The following TMEM72 variants were observed in gnomAD, a reference collection of about 807,000 sequenced individuals.
TMEM72 encodes transmembrane protein 72.
TMEM72 carries 9 observed loss-of-function variants against 16.3 expected under a neutral mutation model. The ratio of observed to expected loss-of-function variants is 0.55; its 90% confidence interval spans 0.33 to 0.96. TMEM72 has a LOEUF of 0.96. Ranked by LOEUF, TMEM72 falls within the 40% of genes least tolerant of loss-of-function variation. The pLI is 0.03. For missense variants in TMEM72, 324 were observed against 337.8 expected, an observed-to-expected ratio of 0.96 and a Z score of 0.32; for synonymous variants, 160 against 146.5, an observed-to-expected ratio of 1.09 and a Z score of -0.66.
intron 2 of TMEM72, 182 bp from the exon 3 acceptor site, chr10:44,931,816 C>A: frequency 1.6e-6 from 1 of 637,772 alleles, no homozygotes; most frequent in Non-Finnish European, 2.7e-6. Context: ...CTCTCCCCAG[C>A]ATGGCCCAGT....
rs755886971 is a variant in TMEM72, at chr10:44,934,986, A to G, written c.680A>G (p.Asn227Ser). 2.5e-6 allele frequency: 4 copies of G among 1,614,068 alleles called. No individual in the cohort carries two copies. The Admixed American group carries it at 6.7e-5, about 27-fold the overall frequency. Residue 227 changes from asparagine (N) to serine (S), a missense_variant, in exon 5 of 5, where the codon AAC becomes AGC. Physicochemically the swap from Asn to Ser is conservative, Grantham distance 46. Transcript: ENST00000389583. The part of the protein sequence containing the change: ...AKKKQVHFED[N>S]LVRIVPSLAE... ...AAGAAGCAGGTGCACTTTGAAGACA[A>G]CTTGGTCCGCATAGTCCCCTCCCTC...
Position 44,935,158 on chromosome 10 carries a change from G to A in TMEM72, c.*24G>A, listed in dbSNP as rs201705501. ...GAGCGCTTGCTCCAGCCTGGAGGAC[G>A]CTCAGTGAGGGGTCTACCTAGCTCA... On this transcript the variant is annotated 3_prime_UTR_variant, in exon 5 of 5. Transcript: ENST00000389583. 4.9e-5 allele frequency: 76 copies of A among 1,541,410 alleles called. No homozygotes were observed. In the African/African-American group the frequency reaches 6.9e-4, roughly 14 times the overall value.
At chr10:44,911,888 G>C (rs1839943268) in intron 1 of TMEM72, among the ~76,000 whole-genome samples, 1 of 152,224 alleles carries the variant, frequency 6.6e-6, no homozygotes, top group Non-Finnish European at 1.5e-5. Flanking sequence ...CACCTACGCA[G>C]AGAGTTGTCA....
intron 1 of TMEM72, among the ~76,000 whole-genome samples, chr10:44,916,690 T>A (rs981309501): frequency 6.6e-6 from 1 of 152,144 alleles, no homozygotes; most frequent in Non-Finnish European, 1.5e-5. Flanking sequence ...TCCAAGTGAA[T>A]GTTGACTGTT....
chr10:44,913,184 A>G (rs1206518151), intron 1 of TMEM72, among the ~76,000 whole-genome samples: 1 of 152,130 alleles, frequency 6.6e-6, no homozygotes, highest in East Asian at 1.9e-4. Flanking sequence ...TCCTGGGGAG[A>G]GGAAGGCCAC....
chr10:44,933,627 C>T lies in TMEM72; in HGVS notation c.210-10C>T. 2 of 1,610,870 alleles carry T rather than the reference C, an allele frequency of 1.2e-6. No homozygotes were observed. Among genetic ancestry groups the T allele is most frequent in the Non-Finnish European group, 1.7e-6 (2 of 1,177,658 alleles). The stretch of plus-strand genomic sequence containing the variant: ...GACACATTATGCTAACCTGGACTCC[C>T]TCTCCCCAGGTGTCAACCAGGGTCC... On this transcript the variant is annotated splice_polypyrimidine_tract_variant and intron_variant, in intron 3 of 4. Coordinates refer to ENST00000389583, the MANE Select transcript of TMEM72 (RefSeq NM_001123376.3).
Position 44,935,219 on chromosome 10 carries a change from C to A in TMEM72, c.*85C>A. On this transcript the variant is annotated 3_prime_UTR_variant, in exon 5 of 5. Transcript: ENST00000389583. ...CTGGAGTTTCAGGGTCTTCTCTGGT[C>A]AGCTTTTCAAGGGGTAACCAGACAC... The A allele has an allele frequency of 7.3e-7, 1 of 1,378,602 alleles. No individual in the cohort carries two copies. Among genetic ancestry groups the A allele is most frequent in the South Asian group, 1.5e-5 (1 of 68,138 alleles). The allele number at this position is 1,378,602 out of a possible 1,614,324, so 85.4% of individuals were successfully genotyped here.
chr10:44,934,629 G>C (rs1345592410), intron 4 of TMEM72, 27 bp from the exon 5 acceptor site: 1 of 1,528,622 alleles, frequency 6.5e-7, no homozygotes, highest in Non-Finnish European at 8.8e-7. Flanking sequence ...GACTCCTCTA[G>C]AGCCCTGACC....
chr10:44,927,976 T>G lies in TMEM72; in HGVS notation c.126T>G (p.Ala42=). ...TFLQGQFKSL[A]FYLLFTGAAV... ...TCCAGGGCCAGTTCAAAAGCCTGGC[T>G]TTCTATCTGCTGTGAGTATGTGTGC... Residue 42 remains alanine, a synonymous_variant, in exon 2 of 5, where the codon GCT becomes GCG. Coordinates refer to ENST00000389583, the MANE Select transcript of TMEM72 (RefSeq NM_001123376.3). 6.2e-7 allele frequency: 1 copy of G among 1,613,750 alleles called. No homozygotes were observed.
At chr10:44,924,070 G>A (rs1417454831) in intron 1 of TMEM72, among the ~76,000 whole-genome samples, 1 of 152,160 alleles carries the variant, frequency 6.6e-6, no homozygotes, top group Non-Finnish European at 1.5e-5. Flanking sequence ...TCTGCACGGG[G>A]TCAGGGAGCT....
At position 44,936,859 on chromosome 10, in the gene TMEM72, A is replaced by G. The variant is rs565539330; in HGVS notation, c.*1725A>G. 6.6e-6 allele frequency: 1 copy of G among 152,400 alleles called. No homozygotes were observed. The highest frequency in any genetic ancestry group is 2.4e-5 in the African/African-American group (1 of 41,588). The allele number at this position is 152,400 out of a possible 1,614,324, so 9.4% of individuals were successfully genotyped here. ...CCACAGACACCCTCATGGCACAGAC[A>G]TGGCCAGCCTCTGACGTTCCTCTGC... On this transcript the variant is annotated 3_prime_UTR_variant, in exon 5 of 5. Coordinates refer to ENST00000389583, the MANE Select transcript of TMEM72 (RefSeq NM_001123376.3).
chr10:44,914,802 A>G (rs1839990390), intron 1 of TMEM72, among the ~76,000 whole-genome samples: 1 of 152,190 alleles, frequency 6.6e-6, no homozygotes, highest in South Asian at 2.1e-4. Context: ...TGAGATGAGA[A>G]AGGACCTGTC....
intron 1 of TMEM72, among the ~76,000 whole-genome samples, chr10:44,912,166 A>G (rs890136752): frequency 6.6e-6 from 1 of 152,216 alleles, no homozygotes; most frequent in African/African-American, 2.4e-5. Flanking sequence ...GTCTGACTGC[A>G]GGAATGCACT....
Position 44,934,559 on chromosome 10 carries a change from C to T in TMEM72, c.350-97C>T, listed in dbSNP as rs900721008. Reference sequence around the variant, plus strand: ...CAGGGGCCTGTGAATGGCCACACAGCGCCGGGTTGCAGGAGCTCTGCTGCA... The same window carrying T: ...CAGGGGCCTGTGAATGGCCACACAGTGCCGGGTTGCAGGAGCTCTGCTGCA... On this transcript the variant is annotated intron_variant, in intron 4 of 4. Transcript: ENST00000389583. 1.4e-5 allele frequency: 18 copies of T among 1,254,196 alleles called. No individual in the cohort carries two copies. In the East Asian group the frequency reaches 1.9e-4, roughly 13 times the overall value. 77.7% of individuals were successfully genotyped at this position (1,254,196 alleles called of 1,614,324 possible).
In TMEM72 at chr10:44,934,762, C is replaced by T. The variant is rs371742513; in HGVS notation, c.456C>T (p.Pro152=). The T allele has an allele frequency of 1.4e-4, 232 of 1,613,536 alleles. No individual in the cohort carries two copies. The highest frequency in any genetic ancestry group is 1.9e-4 in the Non-Finnish European group (224 of 1,180,020). Residue 152 remains proline (P), a synonymous_variant, in exon 5 of 5, where the codon CCC becomes CCT. Transcript: ENST00000389583. Reference sequence around the variant, plus strand: ...CCTCCCCAGAGCAGTACACAGACCCCTCTAGCAGCGCTGTGAGCACCACCG... The same window carrying T: ...CCTCCCCAGAGCAGTACACAGACCCTTCTAGCAGCGCTGTGAGCACCACCG... ...VLASPEQYTD[P]SSSAVSTTGS...
chr10:44,919,473 C>T (rs1424004737), intron 1 of TMEM72, among the ~76,000 whole-genome samples: 8 of 152,204 alleles, frequency 5.3e-5, no homozygotes, highest in African/African-American at 1.9e-4. Flanking sequence ...TAATAATCAA[C>T]TGTATTTCCA....
rs912155875 is a variant in TMEM72, at chr10:44,935,496, C to A, written c.*362C>A. 19 of 211,568 alleles carry A rather than the reference C, an allele frequency of 9.0e-5. No homozygotes were observed. Among genetic ancestry groups the A allele is most frequent in the African/African-American group, 1.8e-4 (8 of 43,852 alleles). 13.1% of individuals were successfully genotyped at this position (211,568 alleles called of 1,614,324 possible). On this transcript the variant is annotated 3_prime_UTR_variant, in exon 5 of 5. Coordinates refer to ENST00000389583, the MANE Select transcript of TMEM72 (RefSeq NM_001123376.3). ...TGTCTGCCCAGCAAAAGCCTCTGGG[C>A]TTTTCTTACTCCCAACCCAGGGCAC...
At chr10:44,919,252 G>A (rs1262154596) in intron 1 of TMEM72, among the ~76,000 whole-genome samples, 1 of 152,182 alleles carries the variant, frequency 6.6e-6, no homozygotes, top group African/African-American at 2.4e-5. Context: ...CAAGGCAAGG[G>A]TGTCCACTCT....
intron 1 of TMEM72, 60 bp from the exon 2 acceptor site, chr10:44,927,861 C>T (rs780320438): frequency 8.9e-6 from 14 of 1,571,976 alleles, no homozygotes; most frequent in Non-Finnish European, 1.1e-5. Flanking sequence ...GTACCCTCAA[C>T]AGGGCAGTGC....
Sources: gnomAD v4.1 joint callset for allele counts (sites outside exome capture counted in the v4.1 genomes callset) on GRCh38, gnomAD v4.1.1 for gene constraint, MANE v1.5 for transcripts, NCBI Gene and HGNC (gene_info 2026-07-23, HGNC 2026-07-21) for gene names.